The following SLC27A6 variants were observed in gnomAD, a reference collection of about 807,000 sequenced individuals.
The protein encoded by SLC27A6 is long-chain fatty acid transport protein 6.
SLC27A6 carries 74 observed loss-of-function variants against 63.9 expected under a neutral mutation model. The ratio of observed to expected loss-of-function variants is 1.16; its 90% CI spans 0.96 to 1.40. SLC27A6 has a LOEUF of 1.40. Among genes scored for constraint, SLC27A6 ranks in the 40% most tolerant of loss-of-function variants. The pLI, the probability that SLC27A6 is intolerant of heterozygous loss-of-function variation, is 0.00. For synonymous variants in SLC27A6, 287 were observed against 260.8 expected, an observed-to-expected ratio of 1.10 and a Z score of -0.97; for missense variants, 794 against 732.9, an observed-to-expected ratio of 1.08 and a Z score of -0.96.
chr5:129,002,513 G>A (rs1225075705), intron 4 of SLC27A6, among the ~76,000 whole-genome samples: 4 of 79,200 alleles, frequency 5.1e-5, no homozygotes, highest in African/African-American at 8.5e-5. Flanking sequence ...TCGTTCCCTG[G>A]TTCCCTCCCT....
intron 1 of SLC27A6, among the ~76,000 whole-genome samples, chr5:128,984,143 T>G (rs182768672): frequency 1.9e-3 from 289 of 151,940 alleles, no homozygotes; most frequent in Non-Finnish European, 3.0e-3. Context: ...AGTAAGGGAG[T>G]GGTGAATTTA....
At chr5:128,969,172 T>C (rs1326909979) in intron 1 of SLC27A6, among the ~76,000 whole-genome samples, 1 of 152,192 alleles carries the variant, frequency 6.6e-6, no homozygotes, top group Middle Eastern at 3.2e-3. Context: ...TGTAGCCCTG[T>C]AGTATAGTTT....
intron 7 of SLC27A6, 34 bp downstream of exon 7, chr5:129,027,365 G>C (rs771303633): frequency 4.0e-6 from 6 of 1,502,512 alleles, no homozygotes; most frequent in Non-Finnish European, 5.5e-6. Context: ...AGCTTGTTCT[G>C]TAATTGTGAA....
intron 1 of SLC27A6, among the ~76,000 whole-genome samples, chr5:128,980,349 G>T (rs1005666628): frequency 1.3e-5 from 2 of 152,164 alleles, no homozygotes; most frequent in Admixed American, 1.3e-4. Context: ...AGAGGAGAGG[G>T]AGACTCAGAG....
chr5:129,015,329 A>C (rs1043371370), intron 4 of SLC27A6, among the ~76,000 whole-genome samples: 1 of 152,234 alleles, frequency 6.6e-6, no homozygotes, highest in Non-Finnish European at 1.5e-5. Flanking sequence ...TATAGTTGCC[A>C]TAATATTTAC....
At chr5:128,974,207 G>T (rs944176253) in intron 1 of SLC27A6, among the ~76,000 whole-genome samples, 1 of 152,164 alleles carries the variant, frequency 6.6e-6, no homozygotes, top group Admixed American at 6.5e-5. Context: ...TAATTTTGCA[G>T]TTTTACTTGT....
chr5:128,972,042 G>A (rs915414497), intron 1 of SLC27A6, among the ~76,000 whole-genome samples: 1 of 152,124 alleles, frequency 6.6e-6, no homozygotes, highest in African/African-American at 2.4e-5. Context: ...GGCTGGATAT[G>A]AAATTCTGGG....
Position 129,007,617 on chromosome 5 carries a change from T to G in SLC27A6, c.970-8268T>G, listed in dbSNP as rs138402068. On this transcript the variant is annotated intron_variant, in intron 4 of 9. Coordinates refer to ENST00000262462, the MANE Select transcript of SLC27A6 (RefSeq NM_001017372.3). ...AAACACAATATATTTTCTTATCAAA[T>G]TGTCATTTTAAATTAAATGAAATGT... Among the ~76,000 whole-genome samples, 418 of 152,224 alleles carry G rather than the reference T, an allele frequency of 2.7e-3. 2 individuals are homozygous for G. Among genetic ancestry groups the G allele is most frequent in the African/African-American group, 9.8e-3 (406 of 41,568 alleles).
Position 128,966,087 on chromosome 5 carries a change from G to T in SLC27A6, c.-51G>T. 6.6e-7 allele frequency: 1 copy of T among 1,513,126 alleles called. No homozygotes were observed. The highest frequency in any genetic ancestry group is 8.8e-7 in the Non-Finnish European group (1 of 1,134,030). The allele number at this position is 1,513,126 out of a possible 1,614,324, so 93.7% of individuals were successfully genotyped here. A position where few individuals can be genotyped will look rare whatever the true frequency, so the allele number is the denominator to read the frequency against. ...GTGGAGAGCTGTGCCTGGAAGAGAAGGACGCTGGTGGGGGCTGAGATCAGA... is the reference window on the plus strand; with the variant it reads ...GTGGAGAGCTGTGCCTGGAAGAGAATGACGCTGGTGGGGGCTGAGATCAGA... On this transcript the variant is annotated 5_prime_UTR_variant, in exon 1 of 10. In the 5' UTR this introduces an upstream ATG that the reference lacks. Coordinates refer to ENST00000262462, the MANE Select transcript of SLC27A6 (RefSeq NM_001017372.3).
chr5:129,013,294 T>C (rs1751786088), intron 4 of SLC27A6, among the ~76,000 whole-genome samples: 2 of 152,114 alleles, frequency 1.3e-5, no homozygotes, highest in Admixed American at 6.6e-5. Flanking sequence ...AATATTGTTT[T>C]CTTTGGTGCT....
chr5:129,023,049 C>T (rs190717556), intron 5 of SLC27A6, among the ~76,000 whole-genome samples: 32 of 152,016 alleles, frequency 2.1e-4, no homozygotes, highest in African/African-American at 7.2e-4. Context: ...TGTGGAGAAG[C>T]ACTGAATGTT....
chr5:128,999,619 A>C (rs1751267534), intron 4 of SLC27A6, among the ~76,000 whole-genome samples: 2 of 152,120 alleles, frequency 1.3e-5, no homozygotes, highest in Admixed American at 6.6e-5. Flanking sequence ...GCCAAAGTCC[A>C]ACTTTTTACA....
intron 1 of SLC27A6, among the ~76,000 whole-genome samples, chr5:128,971,569 G>T (rs1750162329): frequency 6.8e-6 from 1 of 147,046 alleles, no homozygotes; most frequent in African/African-American, 2.5e-5. Flanking sequence ...TCAGAGACTA[G>T]GATTGCAACC....
At chr5:128,968,828 A>G (rs1750016480) in intron 1 of SLC27A6, among the ~76,000 whole-genome samples, 1 of 152,278 alleles carries the variant, frequency 6.6e-6, no homozygotes, top group Non-Finnish European at 1.5e-5. Flanking sequence ...TTAGACATGA[A>G]GTCCTTGCCC....
chr5:128,998,403 A>C (rs1320493797), intron 4 of SLC27A6, among the ~76,000 whole-genome samples: 1 of 151,834 alleles, frequency 6.6e-6, no homozygotes, highest in East Asian at 1.9e-4. Context: ...TTATAAAATT[A>C]GAGTAATTTT....
chr5:129,016,077 A>G lies in SLC27A6; in HGVS notation c.1162A>G (p.Lys388Glu). 5.0e-6 allele frequency: 8 copies of G among 1,589,946 alleles called. No individual in the cohort carries two copies. Among genetic ancestry groups the G allele is most frequent in the Non-Finnish European group, 6.8e-6 (8 of 1,171,392 alleles). Residue 388 changes from lysine to glutamate, a missense_variant and splice_region_variant, in exon 5 of 10, where the codon AAA becomes GAA. Coordinates refer to ENST00000262462, the MANE Select transcript of SLC27A6 (RefSeq NM_001017372.3). ...GAIGRTNLFY[K>E]LLSTFDLIKY... ...AATTGGGAGAACAAATTTGTTTTACAAAGTAAGTACAGCATTTTCCTTATT... is the reference window on the plus strand; with the variant it reads ...AATTGGGAGAACAAATTTGTTTTACGAAGTAAGTACAGCATTTTCCTTATT...
intron 1 of SLC27A6, among the ~76,000 whole-genome samples, chr5:128,969,020 A>T (rs1353739396): frequency 2.0e-5 from 3 of 152,190 alleles, no homozygotes; most frequent in Non-Finnish European, 4.4e-5. Flanking sequence ...TTAAATAGGG[A>T]ATCGTTTCCC....
chr5:129,016,268 C>T (rs1420676117), intron 5 of SLC27A6, among the ~76,000 whole-genome samples, 189 bp downstream of exon 5: 3 of 151,534 alleles, frequency 2.0e-5, no homozygotes, highest in Non-Finnish European at 4.4e-5. Flanking sequence ...TAGTGGCGGA[C>T]ACCTGTAGTC....
At chr5:128,995,299 C>A (rs755314335) in intron 4 of SLC27A6, among the ~76,000 whole-genome samples, 4 of 152,070 alleles carry the variant, frequency 2.6e-5, no homozygotes. Flanking sequence ...TAGGGATAGA[C>A]CATATATGTA....
Sources: allele counts gnomAD v4.1 joint callset (sites outside exome capture counted in the v4.1 genomes callset), GRCh38; gene constraint gnomAD v4.1.1; transcripts MANE v1.5; gene names NCBI Gene and HGNC (gene_info 2026-07-23, HGNC 2026-07-21).